Variants in PPARA observed in about 807,000 individuals in gnomAD.
PPARA encodes the protein peroxisome proliferator-activated receptor alpha.
PPARA carries 22 observed loss-of-function variants against 42.2 expected under a neutral mutation model. The ratio of observed to expected loss-of-function variants is 0.52; its 90% CI spans 0.37 to 0.74. PPARA has a LOEUF of 0.74. PPARA is among the 30% of genes least tolerant of loss of function. The probability of loss-of-function intolerance (pLI) is 0.00; values close to 1 mark genes in which losing one functional copy is unlikely to be tolerated. For missense variants in PPARA, 465 were observed against 608.2 expected (o/e 0.76, Z 2.48); for synonymous variants, 242 against 239.3 (o/e 1.01, Z -0.10).
intron 2 of PPARA, among the ~76,000 whole-genome samples, chr22:46,172,970 G>A (rs1199265378): frequency 2.0e-5 from 3 of 152,200 alleles, no homozygotes; most frequent in African/African-American, 7.2e-5. Flanking sequence ...TTTATGCAGA[G>A]CTTTACTTTA....
chr22:46,172,350 G>T (rs146318027), intron 2 of PPARA, among the ~76,000 whole-genome samples: 97 of 150,810 alleles, frequency 6.4e-4, no homozygotes, highest in African/African-American at 2.3e-3. Flanking sequence ...ACAGCATTGG[G>T]CCGGGCAGTG....
chr22:46,155,169 A>T (rs1467717540), intron 2 of PPARA: 1 of 151,922 alleles, frequency 6.6e-6, no homozygotes, highest in African/African-American at 2.4e-5. Flanking sequence ...CTTTACTTCC[A>T]AGTAGTCAGT....
chr22:46,184,414 C>G lies in PPARA; in HGVS notation c.-43+7578C>G, dbSNP rs551494133. 6.6e-6 allele frequency among the ~76,000 whole-genome samples: 1 copy of G among 152,162 alleles called. No homozygotes were observed. The highest frequency in any genetic ancestry group is 6.5e-5 in the Admixed American group (1 of 15,284). On this transcript the variant is annotated intron_variant, in intron 3 of 8. Coordinates refer to ENST00000407236, the MANE Select transcript of PPARA (RefSeq NM_005036.6). The surrounding 1 kb of genome is among the most constrained non-coding windows in gnomAD (Gnocchi z 4.4). ...GAGAGACACAGTTACCTTTTAGTTA[C>G]ACTAATGGGGAAAACAGGAGCTTTG...
rs755025273 is a variant in PPARA, at chr22:46,219,780, C to T, written c.509-32C>T. Reference sequence around the variant, plus strand: ...TGTCCGCGCAGTCATGACCTCACTGCTCATGCCTGTGTTTCCCCCTCCAAA... The same window carrying T: ...TGTCCGCGCAGTCATGACCTCACTGTTCATGCCTGTGTTTCCCCCTCCAAA... On this transcript the variant is annotated intron_variant, in intron 6 of 8. Transcript: ENST00000407236. The surrounding 1 kb of genome is among the most constrained non-coding windows in gnomAD (Gnocchi z 4.8). 2.2e-5 allele frequency: 35 copies of T among 1,607,506 alleles called. No individual in the cohort carries two copies. Among genetic ancestry groups the T allele is most frequent in the Non-Finnish European group, 2.3e-5 (27 of 1,174,268 alleles).
intron 3 of PPARA, among the ~76,000 whole-genome samples, chr22:46,198,041 C>T (rs1433128564): frequency 2.7e-5 from 4 of 150,630 alleles, no homozygotes; most frequent in Admixed American, 6.6e-5. Flanking sequence ...ACCACCCTGG[C>T]TAACACAGTG....
rs553187697 is a variant in PPARA, at chr22:46,197,074, C to T, written c.-42-1268C>T. Among the ~76,000 whole-genome samples, 323 of 150,984 alleles carry T rather than the reference C, an allele frequency of 2.1e-3. 2 individuals are homozygous for T. The highest frequency in any genetic ancestry group is 7.2e-3 in the African/African-American group (295 of 41,118). On this transcript the variant is annotated intron_variant, in intron 3 of 8. Transcript: ENST00000407236. ...TTGGTTTTGGTTTTTTTTTGAGACA[C>T]GGTCTCACTCTGTCGCCCCGGCTAG... is the stretch of plus-strand genomic sequence containing the variant.
Position 46,161,133 on chromosome 22 carries a change from C to A in PPARA, c.-127+9163C>A, listed in dbSNP as rs1413619240. Among the ~76,000 whole-genome samples, 1 of 152,154 alleles carries A rather than the reference C, an allele frequency of 6.6e-6. No individual in the cohort carries two copies. Among genetic ancestry groups the A allele is most frequent in the Non-Finnish European group, 1.5e-5 (1 of 68,038 alleles). On this transcript the variant is annotated intron_variant, in intron 2 of 8. Coordinates refer to ENST00000407236, the MANE Select transcript of PPARA (RefSeq NM_005036.6). The surrounding 1 kb of genome is among the most constrained non-coding windows in gnomAD (Gnocchi z 4.8). ...AATATGGCCATGGACTCAGAGAAAA[C>A]CACGGCAGCTTCCATGGACTCATAA...
chr22:46,215,994 C>T (rs947316647), intron 5 of PPARA, among the ~76,000 whole-genome samples: 1 of 152,114 alleles, frequency 6.6e-6, no homozygotes, highest in African/African-American at 2.4e-5. Flanking sequence ...TCCCTGGTGG[C>T]AAAAAGGTTG....
At position 46,215,283 on chromosome 22, in the gene PPARA, G is replaced by C; in HGVS notation, c.319G>C (p.Asp107His). ...GAACATCGAATGTAGAATCTGCGGG[G>C]ACAAGGCCTCAGGCTATCATTACGG... ...ALNIECRICG[D>H]KASGYHYGVH... The change falls in exon 5 of 9, where the codon GAC becomes CAC. Residue 107 changes from aspartate (D) to histidine (H), a missense_variant. Physicochemically the swap from Asp to His is moderately conservative, Grantham distance 81. Coordinates refer to ENST00000407236, the MANE Select transcript of PPARA (RefSeq NM_005036.6). 1 of 1,614,166 alleles carries C rather than the reference G, an allele frequency of 6.2e-7. No homozygotes were observed. The highest frequency in any genetic ancestry group is 8.5e-7 in the Non-Finnish European group (1 of 1,180,038).
In PPARA at chr22:46,219,745, CG is replaced by C; in HGVS notation, c.509-66del. 1 of 1,513,378 alleles carries C rather than the reference CG, an allele frequency of 6.6e-7. No homozygotes were observed. Among genetic ancestry groups the C allele is most frequent in the South Asian group, 1.1e-5 (1 of 88,124 alleles). The allele number at this position is 1,513,378 out of a possible 1,614,324, so 93.7% of individuals were successfully genotyped here. A position where few individuals can be genotyped will look rare whatever the true frequency, so the allele number is the denominator to read the frequency against. On this transcript the variant is annotated intron_variant, in intron 6 of 8. Coordinates refer to ENST00000407236, the MANE Select transcript of PPARA (RefSeq NM_005036.6). This position sits in a 1 kb window ranked among gnomAD's most constrained non-coding sequence, Gnocchi z 4.8. ...GGTTTAAAGTCCTGGGGGAGCCCCT[CG>C]TCCAGCCCTGTCCGCGCAGTCATGA...
At position 46,232,455 on chromosome 22, in the gene PPARA, A is replaced by G. The variant is rs1935942839; in HGVS notation, c.1159+216A>G. ...TAGTATATATTGTTATTATCTATAAATACATATTTAATATTATGTAAATGT... is the reference window on the plus strand; with the variant it reads ...TAGTATATATTGTTATTATCTATAAGTACATATTTAATATTATGTAAATGT... On this transcript the variant is annotated intron_variant, in intron 8 of 8. Coordinates refer to ENST00000407236, the MANE Select transcript of PPARA (RefSeq NM_005036.6). The surrounding 1 kb of genome is among the most constrained non-coding windows in gnomAD (Gnocchi z 5.3). Among the ~76,000 whole-genome samples, 1 of 151,800 alleles carries G rather than the reference A, an allele frequency of 6.6e-6. No individual in the cohort carries two copies. The highest frequency in any genetic ancestry group is 1.5e-5 in the Non-Finnish European group (1 of 67,978).
rs1159165472 is a variant in PPARA at position 46,193,382 on chromosome 22, A to G, written c.-42-4960A>G. On this transcript the variant is annotated intron_variant, in intron 3 of 8. Coordinates refer to ENST00000407236, the MANE Select transcript of PPARA (RefSeq NM_005036.6). The surrounding 1 kb of genome is among the most constrained non-coding windows in gnomAD (Gnocchi z 5.3). ...CACCTGGCCACTGTTTGATAGCATA[A>G]TAGGGCGACTATAGTCAATAATAAC... Among the ~76,000 whole-genome samples, 1 of 152,184 alleles carries G rather than the reference A, an allele frequency of 6.6e-6. No individual in the cohort carries two copies. Among genetic ancestry groups the G allele is most frequent in the Non-Finnish European group, 1.5e-5 (1 of 68,042 alleles).
rs4253761 is a variant in PPARA, at chr22:46,226,517, A to C, written c.712-5275A>C. 9.1e-3 allele frequency among the ~76,000 whole-genome samples: 1,381 copies of C among 152,260 alleles called. 16 individuals carry two copies. The highest frequency in any genetic ancestry group is 0.032 in the African/African-American group (1,318 of 41,538). On this transcript the variant is annotated intron_variant, in intron 7 of 8. Coordinates refer to ENST00000407236, the MANE Select transcript of PPARA (RefSeq NM_005036.6). Reference sequence around the variant, plus strand: ...TTTCAAAGATTCTCCTATTGCTCCAAATTGTTGGGGATTATCTTAAAGTCT... The same window carrying C: ...TTTCAAAGATTCTCCTATTGCTCCACATTGTTGGGGATTATCTTAAAGTCT...
At chr22:46,229,653 TAACA>T (rs1398415775) in intron 7 of PPARA, among the ~76,000 whole-genome samples, 3 of 152,220 alleles carry the variant, frequency 2.0e-5, no homozygotes, top group Non-Finnish European at 4.4e-5. Flanking sequence ...CTCCAAACTT[TAACA>T]AACAATGGTC....
In PPARA at chr22:46,190,681, T is replaced by G. The variant is rs1489130027; in HGVS notation, c.-42-7661T>G. Among the ~76,000 whole-genome samples, 2 of 151,832 alleles carry G rather than the reference T, an allele frequency of 1.3e-5. No individual in the cohort carries two copies. Among genetic ancestry groups the G allele is most frequent in the African/African-American group, 4.8e-5 (2 of 41,328 alleles). On this transcript the variant is annotated intron_variant, in intron 3 of 8. Coordinates refer to ENST00000407236, the MANE Select transcript of PPARA (RefSeq NM_005036.6). This position sits in a 1 kb window ranked among gnomAD's most constrained non-coding sequence, Gnocchi z 5.6. The stretch of plus-strand genomic sequence containing the variant: ...GAGAGGATCACCTGGGCCCGGGAGA[T>G]CAAGGCTGCGGTGAGCCATGATCTT...
chr22:46,211,053 G>A lies in PPARA; in HGVS notation c.209-4120G>A, dbSNP rs1389832348. Among the ~76,000 whole-genome samples the A allele has an allele frequency of 3.3e-5, 5 of 152,160 alleles. No individual in the cohort carries two copies. Among genetic ancestry groups the A allele is most frequent in the East Asian group, 3.9e-4 (2 of 5,194 alleles). On this transcript the variant is annotated intron_variant, in intron 4 of 8. Coordinates refer to ENST00000407236, the MANE Select transcript of PPARA (RefSeq NM_005036.6). This position sits in a 1 kb window ranked among gnomAD's most constrained non-coding sequence, Gnocchi z 4.1. ...CAGCTCCATGTGGGCCCCAGGCAGCGTTCACTATCATCATTTCAGGTTGCT... is the reference window on the plus strand; with the variant it reads ...CAGCTCCATGTGGGCCCCAGGCAGCATTCACTATCATCATTTCAGGTTGCT...
chr22:46,168,917 A>G (rs1224197207), intron 2 of PPARA, among the ~76,000 whole-genome samples: 1 of 151,962 alleles, frequency 6.6e-6, no homozygotes, highest in African/African-American at 2.4e-5. Flanking sequence ...TACCTGAAAG[A>G]ACTCAAAGTG....
chr22:46,153,880 G>C (rs542440793), intron 2 of PPARA, among the ~76,000 whole-genome samples: 1 of 152,154 alleles, frequency 6.6e-6, no homozygotes, highest in Admixed American at 6.5e-5. Context: ...AATTGTATAT[G>C]AGAGAGACAG....
intron 7 of PPARA, among the ~76,000 whole-genome samples, chr22:46,226,774 G>A (rs958649245): frequency 2.0e-5 from 3 of 152,124 alleles, no homozygotes; most frequent in South Asian, 4.1e-4. Context: ...TCAGGAGGCC[G>A]AGGCAGGAGG....
Sources: gnomAD v4.1 joint callset for allele counts (sites outside exome capture counted in the v4.1 genomes callset) on GRCh38, gnomAD v4.1.1 for gene constraint, Gnocchi (gnomAD v3.1) non-coding constraint, MANE v1.5 for transcripts, NCBI Gene and HGNC (gene_info 2026-07-23, HGNC 2026-07-21) for gene names.